Variants in AGFG1 observed in about 807,000 individuals in gnomAD.
The protein encoded by AGFG1 is arf-GAP domain and FG repeat-containing protein 1.
In AGFG1, 10 loss-of-function variants were observed where a neutral mutation model predicts 60.6. That is an observed-to-expected ratio of 0.16 (90% CI 0.10 to 0.28). The LOEUF (loss-of-function observed/expected upper bound fraction) is 0.28. Ranked by LOEUF, AGFG1 falls within the 10% of genes least tolerant of loss-of-function variation. The pLI is 1.00. For synonymous variants in AGFG1, 247 were observed against 242.9 expected (o/e 1.02, Z -0.16); for missense variants, 537 against 676.5 (o/e 0.79, Z 2.29).
At chr2:227,540,352 G>A (rs1430223614) in intron 10 of AGFG1, among the ~76,000 whole-genome samples, 2 of 151,716 alleles carry the variant, frequency 1.3e-5, no homozygotes, top group African/African-American at 2.4e-5. Flanking sequence ...CACTCTACCC[G>A]ACCCCAAGAC....
At chr2:227,485,635 C>T (rs556121816) in intron 1 of AGFG1, among the ~76,000 whole-genome samples, 44 of 151,882 alleles carry the variant, frequency 2.9e-4, no homozygotes, top group Non-Finnish European at 6.0e-4. Context: ...AAAAAAATCT[C>T]AGTCATTATC....
intron 10 of AGFG1, among the ~76,000 whole-genome samples, chr2:227,538,155 T>A (rs758090497): frequency 6.6e-6 from 1 of 152,230 alleles, no homozygotes; most frequent in Non-Finnish European, 1.5e-5. Context: ...CTGTTTTGAT[T>A]TTGTGGACTG....
intron 6 of AGFG1, 100 bp downstream of exon 6, chr2:227,531,310 A>G: frequency 7.4e-7 from 1 of 1,347,000 alleles, no homozygotes; most frequent in South Asian, 1.6e-5. Flanking sequence ...TTCTGTAATT[A>G]TCTGACTTTA....
At chr2:227,512,959 T>C (rs1220565780) in intron 2 of AGFG1, among the ~76,000 whole-genome samples, 1 of 152,240 alleles carries the variant, frequency 6.6e-6, no homozygotes, top group Non-Finnish European at 1.5e-5. Flanking sequence ...TCCTCTGTCC[T>C]TTCCTTATTC....
intron 1 of AGFG1, among the ~76,000 whole-genome samples, chr2:227,478,848 T>C (rs1690369206): frequency 6.6e-6 from 1 of 152,230 alleles, no homozygotes; most frequent in South Asian, 2.1e-4. Context: ...TCTTTTACAG[T>C]TCTTTTCCAT....
At position 227,561,026 on chromosome 2, in the gene AGFG1, G is replaced by A. The variant is rs764438839; in HGVS notation, c.*6531G>A. On this transcript the variant is annotated 3_prime_UTR_variant, in exon 13 of 13. Coordinates refer to ENST00000310078, the MANE Select transcript of AGFG1 (RefSeq NM_004504.5). ...GGGCATGTTTGGAAAATGTTAATAC[G>A]CCATGATTTTTGAAGACCAATTTTA... 5 of 152,054 alleles carry A rather than the reference G, an allele frequency of 3.3e-5. No individual in the cohort carries two copies. Among genetic ancestry groups the A allele is most frequent in the Middle Eastern group, 3.2e-3 (1 of 316 alleles). The allele number at this position is 152,054 out of a possible 1,614,324, so 9.4% of individuals were successfully genotyped here. A position where few individuals can be genotyped will look rare whatever the true frequency, so the allele number is the denominator to read the frequency against.
chr2:227,480,060 T>G (rs553753559), intron 1 of AGFG1, among the ~76,000 whole-genome samples: 2 of 152,222 alleles, frequency 1.3e-5, no homozygotes, highest in African/African-American at 4.8e-5. Flanking sequence ...TTGCTTGTTT[T>G]AAGAGGAATG....
At chr2:227,482,067 A>G (rs1230345048) in intron 1 of AGFG1, among the ~76,000 whole-genome samples, 3 of 151,838 alleles carry the variant, frequency 2.0e-5, no homozygotes, top group South Asian at 2.1e-4. Flanking sequence ...GGGTTTCACC[A>G]TGTCAGCCAG....
intron 1 of AGFG1, among the ~76,000 whole-genome samples, chr2:227,488,393 T>G (rs1424671243): frequency 6.6e-6 from 1 of 152,246 alleles, no homozygotes; most frequent in East Asian, 1.9e-4. Flanking sequence ...TTGAACAGTT[T>G]GAGAAGTATA....
At chr2:227,538,006 A>G (rs1692365312) in intron 10 of AGFG1, among the ~76,000 whole-genome samples, 1 of 152,222 alleles carries the variant, frequency 6.6e-6, no homozygotes, top group Non-Finnish European at 1.5e-5. Context: ...TAGATGTTTG[A>G]TAAGTATTGG....
intron 7 of AGFG1, among the ~76,000 whole-genome samples, chr2:227,534,436 T>A (rs1692249623): frequency 6.6e-6 from 1 of 152,216 alleles, no homozygotes; most frequent in Admixed American, 6.5e-5. Context: ...GTTATTACCA[T>A]CTCTAATTTT....
rs1236828136 is a variant in AGFG1 at position 227,497,745 on chromosome 2, T to G, written c.261+6105T>G. 3.1e-4 allele frequency among the ~76,000 whole-genome samples: 42 copies of G among 134,968 alleles called. 1 individual carries two copies. The highest frequency in any genetic ancestry group is 8.5e-4 in the East Asian group (4 of 4,708). The allele number at this position is 134,968 out of a possible 152,430, so 88.5% of individuals were successfully genotyped here. A position where few individuals can be genotyped will look rare whatever the true frequency, so the allele number is the denominator to read the frequency against. ...TTTCTTTCTTGTTTTGTTTTTTTTT[T>G]TTTTTTTTTTTTTTTTGGGGACGGA... On this transcript the variant is annotated intron_variant, in intron 2 of 12. Transcript: ENST00000310078.
intron 2 of AGFG1, among the ~76,000 whole-genome samples, chr2:227,503,201 A>C (rs545041634): frequency 1.3e-5 from 2 of 151,892 alleles, no homozygotes; most frequent in East Asian, 3.9e-4. Flanking sequence ...GCACCACTGC[A>C]TTCTAGCCTG....
intron 9 of AGFG1, 50 bp from the exon 10 acceptor site, chr2:227,536,851 A>G (rs1407037624): frequency 6.5e-7 from 1 of 1,549,788 alleles, no homozygotes; most frequent in South Asian, 1.2e-5. Flanking sequence ...TTTAAATCTT[A>G]AATACAAAAT....
intron 10 of AGFG1, among the ~76,000 whole-genome samples, chr2:227,545,014 T>G (rs972141723): frequency 2.0e-5 from 3 of 152,312 alleles, no homozygotes; most frequent in African/African-American, 7.2e-5. Context: ...TGCCTTGCTA[T>G]ATTGGGGAAG....
intron 2 of AGFG1, among the ~76,000 whole-genome samples, chr2:227,516,186 A>T (rs1356015442): frequency 6.6e-6 from 1 of 152,228 alleles, no homozygotes; most frequent in East Asian, 1.9e-4. Flanking sequence ...ACTTTAGCCC[A>T]CTTCAGAATA....
intron 5 of AGFG1, 117 bp from the exon 6 acceptor site, chr2:227,530,974 T>A: frequency 1.0e-6 from 1 of 971,460 alleles, no homozygotes; most frequent in Non-Finnish European, 1.4e-6. Flanking sequence ...GTGAATTCTC[T>A]ATAAAGTGAG....
chr2:227,515,063 C>T, intron 2 of AGFG1, among the ~76,000 whole-genome samples: 1 of 152,070 alleles, frequency 6.6e-6, no homozygotes, highest in Non-Finnish European at 1.5e-5. Flanking sequence ...GCTGGGACTA[C>T]ACATGCACCA....
In AGFG1 at chr2:227,531,226, C is replaced by G. The variant is rs980436879; in HGVS notation, c.814+16C>G. On this transcript the variant is annotated intron_variant, in intron 6 of 12. Transcript: ENST00000310078. Reference sequence around the variant, plus strand: ...CAAACTACAGGTAGAGCTTCTCCAGCATTGTGCTTAAATGTTTACTTTACA... The same window carrying G: ...CAAACTACAGGTAGAGCTTCTCCAGGATTGTGCTTAAATGTTTACTTTACA... 1 of 1,608,612 alleles carries G rather than the reference C, an allele frequency of 6.2e-7. No homozygotes were observed. The highest frequency in any genetic ancestry group is 8.5e-7 in the Non-Finnish European group (1 of 1,178,296).
Sources: gnomAD v4.1 joint callset for allele counts (sites outside exome capture counted in the v4.1 genomes callset) on GRCh38, gnomAD v4.1.1 for gene constraint, MANE v1.5 for transcripts, NCBI Gene and HGNC (gene_info 2026-07-23, HGNC 2026-07-21) for gene names.